The following MEGF8 variants were observed in gnomAD, a reference collection of about 807,000 sequenced individuals.
MEGF8 encodes the protein multiple EGF like domains 8.
MEGF8 carries 156 observed loss-of-function variants against 302.9 expected under a neutral mutation model. The observed-to-expected ratio is 0.52, with a 90% confidence interval of 0.45 to 0.59. The LOEUF is 0.59. MEGF8 is among the 20% of genes least tolerant of loss of function. The pLI, the probability that MEGF8 is intolerant of heterozygous loss-of-function variation, is 0.00. For missense variants in MEGF8, 3,345 were observed against 3,964.5 expected (o/e 0.84, Z 4.20); for synonymous variants, 1,621 against 1,660.5 (o/e 0.98, Z 0.58).
intron 1 of MEGF8, among the ~76,000 whole-genome samples, chr19:42,330,308 A>T (rs1218562618): frequency 6.6e-6 from 1 of 152,064 alleles, no homozygotes; most frequent in African/African-American, 2.4e-5. Context: ...TTCTGTCTGG[A>T]GTGGTATGGG....
rs1309282319 is a variant in MEGF8 at position 42,376,738 on chromosome 19, T to C, written c.8501T>C (p.Leu2834Pro). 1 of 1,470,866 alleles carries C rather than the reference T, an allele frequency of 6.8e-7. No individual in the cohort carries two copies. Among genetic ancestry groups the C allele is most frequent in the Admixed American group, 2.3e-5 (1 of 43,172 alleles). The allele number at this position is 1,470,866 out of a possible 1,614,324, so 91.1% of individuals were successfully genotyped here. A position where few individuals can be genotyped will look rare whatever the true frequency, so the allele number is the denominator to read the frequency against. Residue 2834 changes from leucine to proline, a missense_variant, in exon 42 of 42, where the codon CTG becomes CCG. Transcript: ENST00000251268. The surrounding 1 kb of genome is among the most constrained non-coding windows in gnomAD (Gnocchi z 8.2). ...GGGACTGGTGCGGGCCGGAAGGGAC[T>C]GTTGAGCCAGGACAACCTCACCAGC... ...GHGTGAGRKG[L>P]LSQDNLTSMS...
In MEGF8 at chr19:42,363,059, C is replaced by T. The variant is rs755163904; in HGVS notation, c.6070C>T (p.Arg2024Cys). 5.0e-6 allele frequency: 8 copies of T among 1,612,800 alleles called. No homozygotes were observed. Among genetic ancestry groups the T allele is most frequent in the Non-Finnish European group, 5.9e-6 (7 of 1,179,496 alleles). ...RQFKRTGETR[R>C]ILSVQPTYDW... Reference sequence around the variant, plus strand: ...TGCCCCACCCCCAGGGGAGACCCGCCGCATCCTCTCCGTGCAGCCCACCTA... The same window carrying T: ...TGCCCCACCCCCAGGGGAGACCCGCTGCATCCTCTCCGTGCAGCCCACCTA... The change falls in exon 35 of 42, where the codon CGC becomes TGC. Residue 2024 changes from arginine (R) to cysteine (C), a missense_variant. Coordinates refer to ENST00000251268, the MANE Select transcript of MEGF8 (RefSeq NM_001271938.2).
intron 1 of MEGF8, among the ~76,000 whole-genome samples, chr19:42,331,685 C>G (rs1053920156): frequency 1.3e-5 from 2 of 150,646 alleles, no homozygotes; most frequent in African/African-American, 4.9e-5. Context: ...TCTCCTGCCT[C>G]AGCCTCCCAA....
intron 15 of MEGF8, 29 bp downstream of exon 15, chr19:42,350,413 C>T: frequency 3.4e-6 from 5 of 1,471,624 alleles, no homozygotes; most frequent in Non-Finnish European, 4.5e-6. Flanking sequence ...GGGGAGGTCA[C>T]AAGGTGGAGG....
Position 42,354,947 on chromosome 19 carries a change from G to C in MEGF8, c.4144+227G>C, listed in dbSNP as rs1281769133. 6.6e-6 allele frequency among the ~76,000 whole-genome samples: 1 copy of C among 152,122 alleles called. No homozygotes were observed. Among genetic ancestry groups the C allele is most frequent in the Non-Finnish European group, 1.5e-5 (1 of 68,014 alleles). On this transcript the variant is annotated intron_variant, in intron 23 of 41. Transcript: ENST00000251268. The surrounding 1 kb of genome is among the most constrained non-coding windows in gnomAD (Gnocchi z 4.3). ...GGGCTGAATGAGACATGTCTCTGGG[G>C]CATATAGAATGTGGTTGGTGTGAGG...
At chr19:42,339,583 A>G (rs2039183885) in intron 8 of MEGF8, among the ~76,000 whole-genome samples, 2 of 152,116 alleles carry the variant, frequency 1.3e-5, no homozygotes, top group Non-Finnish European at 2.9e-5. Flanking sequence ...TTGTTAGTTT[A>G]TTTAAGTTCC....
At position 42,357,900 on chromosome 19, in the gene MEGF8, C is replaced by T. The variant is rs770077583; in HGVS notation, c.5012-244C>T. Among the ~76,000 whole-genome samples the T allele has an allele frequency of 1.2e-4, 19 of 152,300 alleles. No individual in the cohort carries two copies. Among genetic ancestry groups the T allele is most frequent in the Middle Eastern group, 3.4e-3 (1 of 294 alleles). ...ATCACTGTCCCCTAGACATTCTGGACGCCCTGTCTCCCTCCCGAGAGCCTG... is the reference window on the plus strand; with the variant it reads ...ATCACTGTCCCCTAGACATTCTGGATGCCCTGTCTCCCTCCCGAGAGCCTG... On this transcript the variant is annotated intron_variant, in intron 28 of 41. Coordinates refer to ENST00000251268, the MANE Select transcript of MEGF8 (RefSeq NM_001271938.2). This position sits in a 1 kb window ranked among gnomAD's most constrained non-coding sequence, Gnocchi z 5.2.
At chr19:42,328,631 C>T (rs1215185229) in intron 1 of MEGF8, among the ~76,000 whole-genome samples, 1 of 145,584 alleles carries the variant, frequency 6.9e-6, no homozygotes, top group Non-Finnish European at 1.5e-5. Flanking sequence ...ACTCTCTGGC[C>T]TTAAAGAGTC....
chr19:42,361,779 G>T (rs1041652755), intron 32 of MEGF8, among the ~76,000 whole-genome samples: 1 of 152,168 alleles, frequency 6.6e-6, no homozygotes, highest in Non-Finnish European at 1.5e-5. Context: ...AGAGCCTGCA[G>T]GTGGGGACCA....
chr19:42,350,436 G>A, intron 15 of MEGF8, 52 bp downstream of exon 15: 1 of 1,424,054 alleles, frequency 7.0e-7, no homozygotes, highest in Non-Finnish European at 9.2e-7. Flanking sequence ...GCCACAGCAG[G>A]CAATGGGCAG....
intron 12 of MEGF8, among the ~76,000 whole-genome samples, chr19:42,347,761 G>A (rs941618392): frequency 3.3e-5 from 5 of 151,944 alleles, no homozygotes; most frequent in South Asian, 2.1e-4. Context: ...CAAAGTGCCC[G>A]CCGTGCCCAG....
intron 1 of MEGF8, among the ~76,000 whole-genome samples, chr19:42,328,814 T>C (rs2039019082): frequency 6.6e-6 from 1 of 151,920 alleles, no homozygotes; most frequent in Admixed American, 6.6e-5. Flanking sequence ...CGCACATCTG[T>C]GGTTCCAGCC....
Position 42,352,178 on chromosome 19 carries a change from C to T in MEGF8, c.3102-30C>T, listed in dbSNP as rs769938996. ...TGTATGGCTCCTGTTTCTATGTTGT[C>T]CCCCGCTTCTTCACTCTCCCACCCT... On this transcript the variant is annotated intron_variant, in intron 18 of 41. Coordinates refer to ENST00000251268, the MANE Select transcript of MEGF8 (RefSeq NM_001271938.2). This position sits in a 1 kb window ranked among gnomAD's most constrained non-coding sequence, Gnocchi z 4.4. The T allele has an allele frequency of 1.2e-5, 18 of 1,484,560 alleles. No individual in the cohort carries two copies. In the Middle Eastern group the frequency reaches 1.2e-3, roughly 103 times the overall value. The allele number at this position is 1,484,560 out of a possible 1,614,324, so 92.0% of individuals were successfully genotyped here.
rs1368598461 is a variant in MEGF8 at position 42,344,102 on chromosome 19, C to T, written c.1788+29C>T. On this transcript the variant is annotated intron_variant, in intron 10 of 41. Coordinates refer to ENST00000251268, the MANE Select transcript of MEGF8 (RefSeq NM_001271938.2). The surrounding 1 kb of genome is among the most constrained non-coding windows in gnomAD (Gnocchi z 4.5). Reference sequence around the variant, plus strand: ...AGTGACAGCCCTAGACCCTCTGTTCCCTAGCATAGAGACCTGCCCTCAGTG... The same window carrying T: ...AGTGACAGCCCTAGACCCTCTGTTCTCTAGCATAGAGACCTGCCCTCAGTG... 1.2e-6 allele frequency: 2 copies of T among 1,609,308 alleles called. No individual in the cohort carries two copies. Among genetic ancestry groups the T allele is most frequent in the East Asian group, 2.2e-5 (1 of 44,846 alleles).
In MEGF8 at chr19:42,363,262, G is replaced by C; in HGVS notation, c.6273G>C (p.Gln2091His). The change falls in exon 35 of 42, where the codon CAG becomes CAC. Residue 2091 changes from glutamine (Q) to histidine (H), a missense_variant and splice_region_variant. Gln to His is a conservative substitution (Grantham distance 24, BLOSUM62 0). Transcript: ENST00000251268. Reference sequence around the variant, plus strand: ...GTGTTTGGAGCAGCAGCCTGCAGCAGGTACTGCACCTGGCCAGGACCGTGC... The same window carrying C: ...GTGTTTGGAGCAGCAGCCTGCAGCACGTACTGCACCTGGCCAGGACCGTGC... ...QHCVWSSSLQ[Q>H]CLSPSYLPLR... 1 of 1,588,996 alleles carries C rather than the reference G, an allele frequency of 6.3e-7. No homozygotes were observed. Among genetic ancestry groups the C allele is most frequent in the Non-Finnish European group, 8.6e-7 (1 of 1,167,852 alleles).
Position 42,357,130 on chromosome 19 carries a change from G to A in MEGF8, c.4830+149G>A, listed in dbSNP as rs2039464021. The A allele has an allele frequency of 3.2e-6, 3 of 945,972 alleles. No homozygotes were observed. The highest frequency in any genetic ancestry group is 4.6e-6 in the Non-Finnish European group (3 of 647,944). The allele number at this position is 945,972 out of a possible 1,614,324, so 58.6% of individuals were successfully genotyped here. ...CCATCCTGGGTCACACTGTTGTCCT[G>A]AGCCAGTCCTGGGCTGGGACACAGC... On this transcript the variant is annotated intron_variant, in intron 27 of 41. Transcript: ENST00000251268. The surrounding 1 kb of genome is among the most constrained non-coding windows in gnomAD (Gnocchi z 5.2).
At position 42,376,697 on chromosome 19, in the gene MEGF8, T is replaced by C; in HGVS notation, c.8460T>C (p.Ala2820=). 1 of 1,505,648 alleles carries C rather than the reference T, an allele frequency of 6.6e-7. No homozygotes were observed. Among genetic ancestry groups the C allele is most frequent in the Non-Finnish European group, 8.9e-7 (1 of 1,127,110 alleles). The allele number at this position is 1,505,648 out of a possible 1,614,324, so 93.3% of individuals were successfully genotyped here. A position where few individuals can be genotyped will look rare whatever the true frequency, so the allele number is the denominator to read the frequency against. Residue 2820 remains alanine, a synonymous_variant, in exon 42 of 42, where the codon GCT becomes GCC. Transcript: ENST00000251268. This position sits in a 1 kb window ranked among gnomAD's most constrained non-coding sequence, Gnocchi z 8.2. ...AGTACTGTGGGGGTGGTGGGGGTGC[T>C]GGGGGCAGTGGGCATGGGACTGGTG... ...LHEYCGGGGG[A]GGSGHGTGAG...
Position 42,357,065 on chromosome 19 carries a change from C to T in MEGF8, c.4830+84C>T. The T allele has an allele frequency of 7.4e-7, 1 of 1,349,996 alleles. No homozygotes were observed. The highest frequency in any genetic ancestry group is 1.0e-6 in the Non-Finnish European group (1 of 1,001,258). 83.6% of individuals were successfully genotyped at this position (1,349,996 alleles called of 1,614,324 possible). A position where few individuals can be genotyped will look rare whatever the true frequency, so the allele number is the denominator to read the frequency against. On this transcript the variant is annotated intron_variant, in intron 27 of 41. Transcript: ENST00000251268. The surrounding 1 kb of genome is among the most constrained non-coding windows in gnomAD (Gnocchi z 5.2). ...CTGTGGTAGCTCCTGCCAGCTCCAT[C>T]CCCAGAGGAAACAGAAGCCCCAAAC...
chr19:42,332,594 C>T (rs2039069567), intron 1 of MEGF8, among the ~76,000 whole-genome samples: 1 of 152,164 alleles, frequency 6.6e-6, no homozygotes, highest in Admixed American at 6.5e-5. Context: ...TCTCAAACTC[C>T]TGTCCTCGTG....
Sources: allele counts gnomAD v4.1 joint callset (sites outside exome capture counted in the v4.1 genomes callset), GRCh38; gene constraint gnomAD v4.1.1; non-coding constraint Gnocchi (gnomAD v3.1); transcripts MANE v1.5; gene names NCBI Gene and HGNC (gene_info 2026-07-23, HGNC 2026-07-21).